Variants in FGL1 observed in about 807,000 individuals in gnomAD.
FGL1 encodes the protein fibrinogen like 1, also known as fibrinogen-like protein 1.
FGL1 carries 59 observed loss-of-function variants against 43.7 expected under a neutral mutation model. That is an observed-to-expected ratio of 1.35 (90% CI 1.10 to 1.68). FGL1 has a LOEUF of 1.68. FGL1 is among the 40% of genes most tolerant of loss of function. FGL1 has a pLI of 0.00. For missense variants in FGL1, 596 were observed against 373.0 expected (o/e 1.60, Z -4.92); for synonymous variants, 192 against 126.5 (o/e 1.52, Z -3.48).
chr8:17,881,866 G>T, intron 3 of FGL1, 133 bp downstream of exon 3: 11 of 617,244 alleles, frequency 1.8e-5, no homozygotes, highest in Non-Finnish European at 2.8e-5. Context: ...TGTGAAAGAA[G>T]ACATTTACAA....
chr8:17,874,318 A>G, intron 4 of FGL1, 44 bp downstream of exon 4: 1 of 1,577,984 alleles, frequency 6.3e-7, no homozygotes, highest in Non-Finnish European at 8.6e-7. Flanking sequence ...TATAAATCTC[A>G]CATTTGCTGC....
chr8:17,888,085 A>T (rs2053655145), intron 1 of FGL1, among the ~76,000 whole-genome samples: 1 of 151,994 alleles, frequency 6.6e-6, no homozygotes, highest in African/African-American at 2.4e-5. Flanking sequence ...GAAATAGTAG[A>T]TGTTTTTATA....
At chr8:17,881,427 A>G (rs34688982) in intron 3 of FGL1, among the ~76,000 whole-genome samples, 9,395 of 151,466 alleles carry the variant, frequency 0.062, 978 homozygotes, top group African/African-American at 0.22. Flanking sequence ...GAGCCACCGC[A>G]CTTGGCTGTG....
intron 3 of FGL1, among the ~76,000 whole-genome samples, chr8:17,878,681 A>G (rs1484223818): frequency 2.6e-5 from 4 of 152,328 alleles, no homozygotes; most frequent in African/African-American, 9.6e-5. Flanking sequence ...CATTGTTTGC[A>G]CAAATTGCTA....
At chr8:17,882,984 A>C (rs1331980203) in intron 2 of FGL1, among the ~76,000 whole-genome samples, 1 of 98,896 alleles carries the variant, frequency 1.0e-5, no homozygotes, top group Non-Finnish European at 1.7e-5. Flanking sequence ...TTAAATATAT[A>C]ATATATATCA....
At chr8:17,870,120 A>C (rs973648513) in intron 5 of FGL1, among the ~76,000 whole-genome samples, 3 of 151,514 alleles carry the variant, frequency 2.0e-5, no homozygotes, top group Non-Finnish European at 4.4e-5. Flanking sequence ...AAAAAACAAC[A>C]AAAAAACAAA....
At chr8:17,866,130 G>A (rs1238113168) in intron 7 of FGL1, among the ~76,000 whole-genome samples, 1 of 152,114 alleles carries the variant, frequency 6.6e-6, no homozygotes, top group Non-Finnish European at 1.5e-5. Flanking sequence ...TCTATCATTT[G>A]AATCCCATTA....
In FGL1 at chr8:17,867,024, A is replaced by G. The variant is rs142783602; in HGVS notation, c.779+1524T>C. Among the ~76,000 whole-genome samples, 652 of 152,310 alleles carry G rather than the reference A, an allele frequency of 4.3e-3. 2 individuals carry two copies. The highest frequency in any genetic ancestry group is 0.015 in the African/African-American group (606 of 41,576). On this transcript the variant is annotated intron_variant, in intron 7 of 7. Transcript: ENST00000427924. ...GTTTCTCTCCTTCACACTGCTGGAA[A>G]TACTCCAGTTCCTTTATAAATGATC...
chr8:17,892,739 C>T (rs2053722795), intron 1 of FGL1, among the ~76,000 whole-genome samples: 1 of 152,160 alleles, frequency 6.6e-6, no homozygotes, highest in Non-Finnish European at 1.5e-5. Flanking sequence ...TTTTAATCCG[C>T]TCCCAGATAA....
At chr8:17,875,728 C>T (rs922473171) in intron 3 of FGL1, among the ~76,000 whole-genome samples, 8 of 152,104 alleles carry the variant, frequency 5.3e-5, no homozygotes, top group South Asian at 2.1e-4. Context: ...CCTCAGCCTC[C>T]TGAGTAGCTG....
At chr8:17,875,155 C>G (rs959802516) in intron 3 of FGL1, among the ~76,000 whole-genome samples, 6 of 152,020 alleles carry the variant, frequency 3.9e-5, no homozygotes, top group African/African-American at 1.5e-4. Flanking sequence ...GAAAATGAAC[C>G]CAAAATAGTA....
chr8:17,877,613 G>A (rs1363459625), intron 3 of FGL1, among the ~76,000 whole-genome samples: 2 of 148,180 alleles, frequency 1.3e-5, no homozygotes, highest in African/African-American at 2.5e-5. Context: ...GCAACATAAG[G>A]AAAAAAAAAA....
At chr8:17,883,025 C>A (rs1281137508) in intron 2 of FGL1, among the ~76,000 whole-genome samples, 10 of 87,986 alleles carry the variant, frequency 1.1e-4, no homozygotes, top group Admixed American at 3.6e-4. Context: ...TAATATATAT[C>A]ATATGTAATA....
chr8:17,868,727 GT>G lies in FGL1; in HGVS notation c.599del (p.Tyr200SerfsTer3). 3 of 1,608,490 alleles carry G rather than the reference GT, an allele frequency of 1.9e-6. No individual in the cohort carries two copies. Among genetic ancestry groups the G allele is most frequent in the Non-Finnish European group, 2.5e-6 (3 of 1,177,480 alleles). ...NFKVGDEKNF[Y>X]ELNIGEYSGT... ...CAGAATATTCCCCAATATTCAACTC[GT>G]AGAAATTCTAAAGAAAAAGGGCATT... is the stretch of plus-strand genomic sequence containing the variant. On this transcript the variant is annotated frameshift_variant, in exon 7 of 8. Transcript: ENST00000427924. LOFTEE classifies it high-confidence loss of function.
chr8:17,882,891 C>T, intron 2 of FGL1, among the ~76,000 whole-genome samples: 1 of 101,562 alleles, frequency 9.8e-6, no homozygotes, highest in African/African-American at 4.9e-5. Context: ...TAATATATCT[C>T]ATATATAATA....
At chr8:17,877,998 T>C (rs1585137641) in intron 3 of FGL1, among the ~76,000 whole-genome samples, 2 of 152,312 alleles carry the variant, frequency 1.3e-5, no homozygotes, top group South Asian at 4.1e-4. Context: ...GGTCTCACTC[T>C]GTTACCCAGG....
At chr8:17,867,845 G>A (rs2053293369) in intron 7 of FGL1, among the ~76,000 whole-genome samples, 1 of 152,180 alleles carries the variant, frequency 6.6e-6, no homozygotes, top group Admixed American at 6.5e-5. Flanking sequence ...CGGGGTAGGT[G>A]GATCACATGA....
intron 5 of FGL1, 81 bp downstream of exon 5, chr8:17,873,938 T>C (rs779371087): frequency 1.0e-5 from 9 of 885,854 alleles, no homozygotes; most frequent in African/African-American, 3.6e-5. Flanking sequence ...ATTAGTTCCA[T>C]TGCCTATAAT....
At chr8:17,877,671 G>A (rs895362463) in intron 3 of FGL1, among the ~76,000 whole-genome samples, 1 of 151,992 alleles carries the variant, frequency 6.6e-6, no homozygotes, top group East Asian at 1.9e-4. Context: ...ATTTGTTGGG[G>A]TACATGTGAT....
Sources: gnomAD v4.1 joint callset for allele counts (sites outside exome capture counted in the v4.1 genomes callset) on GRCh38, gnomAD v4.1.1 for gene constraint, MANE v1.5 for transcripts, NCBI Gene and HGNC (gene_info 2026-07-23, HGNC 2026-07-21) for gene names.